The following ANK3 variants were observed in gnomAD, a reference collection of about 807,000 sequenced individuals.
The protein encoded by ANK3 is ankyrin 3.
Under a neutral mutation model 370.9 loss-of-function variants are expected in ANK3, and 57 were observed. The ratio of observed to expected loss-of-function variants is 0.15; its 90% CI spans 0.12 to 0.19. ANK3 has a LOEUF of 0.19. Among genes scored for constraint, ANK3 ranks in the 10% least tolerant of loss-of-function variants. The pLI, the probability that ANK3 is intolerant of heterozygous loss-of-function variation, is 1.00. For synonymous variants in ANK3, 1,929 were observed against 1,946.3 expected (o/e 0.99, Z 0.23); for missense variants, 4,439 against 5,302.1 (o/e 0.84, Z 5.06).
intron 1 of ANK3, among the ~76,000 whole-genome samples, chr10:60,371,930 T>C (rs2060157967): frequency 6.6e-6 from 1 of 152,202 alleles, no homozygotes; most frequent in Admixed American, 6.5e-5. Flanking sequence ...GAAAGCAATG[T>C]AGACCATAGG....
intron 1 of ANK3, among the ~76,000 whole-genome samples, chr10:60,657,718 A>T (rs1190446502): frequency 6.6e-6 from 1 of 152,134 alleles, no homozygotes; most frequent in Admixed American, 6.6e-5. Context: ...TGGTGTAAAT[A>T]TCAATTATAT....
intron 28 of ANK3, among the ~76,000 whole-genome samples, chr10:60,097,480 C>T (rs1041612370): frequency 6.6e-6 from 1 of 152,152 alleles, no homozygotes; most frequent in Non-Finnish European, 1.5e-5. Flanking sequence ...TTCTTAAGCA[C>T]CTTGTAACTC....
intron 8 of ANK3, among the ~76,000 whole-genome samples, chr10:60,232,329 A>G (rs893470259): frequency 1.5e-4 from 22 of 151,104 alleles, no homozygotes; most frequent in Admixed American, 9.3e-4. Flanking sequence ...GGTAACCCTC[A>G]TTTCCCTTTG....
At position 60,247,965 on chromosome 10, in the gene ANK3, C is replaced by T. The variant is rs2097582204; in HGVS notation, c.799-13179G>A. ...TACAGGCGTGAGCCACTGCGCCTGG[C>T]CAGCATAATGTCTTAAGGTTCATTC... On this transcript the variant is annotated intron_variant, in intron 7 of 43. Transcript: ENST00000280772. Among the ~76,000 whole-genome samples the T allele has an allele frequency of 2.6e-5, 4 of 152,342 alleles. No individual in the cohort carries two copies. The South Asian group carries it at 8.3e-4, about 32-fold the overall frequency.
intron 2 of ANK3, among the ~76,000 whole-genome samples, chr10:60,420,306 C>G (rs1202477962): frequency 6.6e-6 from 1 of 152,128 alleles, no homozygotes; most frequent in East Asian, 1.9e-4. Context: ...GTACTATTCA[C>G]TAGCTCTTTA....
At chr10:60,059,184 C>A in intron 41 of ANK3, 156 bp downstream of exon 41, 1 of 595,776 alleles carries the variant, frequency 1.7e-6, no homozygotes, top group Non-Finnish European at 3.0e-6. Context: ...ATTCACTTTC[C>A]TTTCCAGATT....
chr10:60,141,871 A>G (rs185775323), intron 23 of ANK3, among the ~76,000 whole-genome samples: 1 of 152,246 alleles, frequency 6.6e-6, no homozygotes, highest in East Asian at 1.9e-4. Flanking sequence ...GCCTGGCTGT[A>G]ATCAACATGG....
chr10:60,030,173 T>C (rs1412231851), intron 43 of ANK3, among the ~76,000 whole-genome samples: 2 of 151,992 alleles, frequency 1.3e-5, no homozygotes, highest in Admixed American at 6.6e-5. Flanking sequence ...GACGGAGTCT[T>C]GCTCTGTTGC....
chr10:60,555,072 G>GA (rs1193210285), intron 2 of ANK3, among the ~76,000 whole-genome samples: 3 of 151,394 alleles, frequency 2.0e-5, no homozygotes, highest in African/African-American at 7.3e-5. Context: ...ACATTTACAA[G>GA]AAAAAAAAGA....
At chr10:60,298,989 G>A (rs938844604) in intron 1 of ANK3, among the ~76,000 whole-genome samples, 5 of 152,150 alleles carry the variant, frequency 3.3e-5, no homozygotes, top group African/African-American at 1.2e-4. Flanking sequence ...TTTTGGATGG[G>A]TAAGTTGATT....
chr10:60,703,309 C>T (rs1374679782), intron 1 of ANK3, among the ~76,000 whole-genome samples: 2 of 152,094 alleles, frequency 1.3e-5, no homozygotes, highest in Admixed American at 1.3e-4. Flanking sequence ...AAATTTTTAT[C>T]TCTCAGAGAT....
chr10:60,351,381 A>C (rs1275384225), intron 1 of ANK3, among the ~76,000 whole-genome samples: 2 of 152,186 alleles, frequency 1.3e-5, no homozygotes, highest in South Asian at 2.1e-4. Context: ...ATAACCCCTC[A>C]GATGCACGCT....
Position 60,069,501 on chromosome 10 carries a change from A to G in ANK3, c.11380T>C (p.Ser3794Pro). 1 of 1,613,900 alleles carries G rather than the reference A, an allele frequency of 6.2e-7. No homozygotes were observed. Among genetic ancestry groups the G allele is most frequent in the Non-Finnish European group, 8.5e-7 (1 of 1,179,942 alleles). ...ATGTTATCTGTCTGTATAGTGGAAG[A>G]ATCCAAATTGTTGTTGTTATTAAAG... Reference protein sequence around the residue: ...DNFNNNNNLDSSTIQTDNIMS... With the variant: ...DNFNNNNNLDPSTIQTDNIMS... Residue 3794 changes from serine to proline, a missense_variant, in exon 37 of 44, where the codon TCT becomes CCT. Around this residue, in one of 13 missense-constraint regions of ANK3, gnomAD observed 496 missense variants for 529.3 expected, o/e 0.94. Coordinates refer to ENST00000280772, the MANE Select transcript of ANK3 (RefSeq NM_020987.5).
intron 2 of ANK3, among the ~76,000 whole-genome samples, chr10:60,434,792 C>T (rs571031666): frequency 6.6e-6 from 1 of 152,208 alleles, no homozygotes; most frequent in Non-Finnish European, 1.5e-5. Context: ...TATACACCTG[C>T]AATAACTTTA....
chr10:60,401,863 T>G (rs2063358218), intron 2 of ANK3, among the ~76,000 whole-genome samples: 1 of 152,150 alleles, frequency 6.6e-6, no homozygotes, highest in Non-Finnish European at 1.5e-5. Flanking sequence ...AGGATAAATT[T>G]CTGGAGGTAG....
chr10:60,653,756 T>C (rs555257275), intron 1 of ANK3, among the ~76,000 whole-genome samples: 1 of 152,282 alleles, frequency 6.6e-6, no homozygotes, highest in Non-Finnish European at 1.5e-5. Flanking sequence ...TGGCCCCAGC[T>C]ACTTGGGAGG....
rs750259134 is a variant in ANK3, at chr10:60,064,229, G to T, written c.12379C>A (p.Pro4127Thr). Residue 4127 changes from proline to threonine, a missense_variant, in exon 39 of 44, where the codon CCA (proline) becomes ACA (threonine). Around this residue, in one of 13 missense-constraint regions of ANK3, gnomAD observed 99 missense variants for 150.7 expected, o/e 0.66. Transcript: ENST00000280772. Reference sequence around the variant, plus strand: ...AAGCTCTGAGAAATTAAAGAATTTGGATTTTCCACACGTATTTGATTGATT... The same window carrying T: ...AAGCTCTGAGAAATTAAAGAATTTGTATTTTCCACACGTATTTGATTGATT... The part of the protein sequence containing the change: ...DEINQIRVEN[P>T]NSLISQSFML... 23 of 1,580,410 alleles carry T rather than the reference G, an allele frequency of 1.5e-5. No homozygotes were observed. The highest frequency in any genetic ancestry group is 1.8e-5 in the Non-Finnish European group (21 of 1,170,132).
chr10:60,200,937 A>T (rs566691362), intron 12 of ANK3, among the ~76,000 whole-genome samples: 1 of 152,368 alleles, frequency 6.6e-6, no homozygotes, highest in East Asian at 1.9e-4. Context: ...TTCACCAAAT[A>T]GATTCTAATC....
At chr10:60,213,832 T>C (rs142628242) in intron 8 of ANK3, among the ~76,000 whole-genome samples, 3,832 of 152,246 alleles carry the variant, frequency 0.025, 66 homozygotes, top group Non-Finnish European at 0.037. Flanking sequence ...CAAAAACACA[T>C]GAATAAACTC....
Sources: allele counts gnomAD v4.1 joint callset (sites outside exome capture counted in the v4.1 genomes callset), GRCh38; gene constraint gnomAD v4.1.1; regional missense constraint gnomAD v4.1.1; transcripts MANE v1.5; gene names NCBI Gene and HGNC (gene_info 2026-07-23, HGNC 2026-07-21).